PLCE1: variants seen among roughly 807,000 people sequenced by gnomAD.
PLCE1 encodes phospholipase C epsilon 1, also known as 1-phosphatidylinositol 4,5-bisphosphate phosphodiesterase epsilon-1.
PLCE1 carries 119 observed loss-of-function variants against 242.8 expected under a neutral mutation model. That is an observed-to-expected ratio of 0.49 (90% CI 0.42 to 0.57). The LOEUF is 0.57. Ranked by LOEUF, PLCE1 falls within the 20% of genes least tolerant of loss-of-function variation. The pLI is 0.00. For missense variants in PLCE1, 2,441 were observed against 2,788.8 expected, an observed-to-expected ratio of 0.88 and a Z score of 2.81; for synonymous variants, 945 against 1,017.4, an observed-to-expected ratio of 0.93 and a Z score of 1.35.
At chr10:94,312,607 C>T (rs1355774374) in intron 27 of PLCE1, among the ~76,000 whole-genome samples, 2 of 152,202 alleles carry the variant, frequency 1.3e-5, no homozygotes, top group Non-Finnish European at 2.9e-5. Context: ...TCCTCTGGAA[C>T]TTAAAATGCT....
intron 8 of PLCE1, among the ~76,000 whole-genome samples, chr10:94,249,507 C>T (rs141690299): frequency 2.2e-3 from 332 of 151,906 alleles, no homozygotes; most frequent in African/African-American, 7.7e-3. Flanking sequence ...CTTCTGTTAA[C>T]AGCTCTATAA....
At chr10:94,292,718 G>A (rs1026021266) in intron 22 of PLCE1, among the ~76,000 whole-genome samples, 2 of 152,132 alleles carry the variant, frequency 1.3e-5, no homozygotes, top group Non-Finnish European at 1.5e-5. Flanking sequence ...TCTGAAATAC[G>A]ACCTCCTGAA....
At chr10:94,230,685 A>G (rs928713081) in intron 5 of PLCE1, among the ~76,000 whole-genome samples, 6 of 152,142 alleles carry the variant, frequency 3.9e-5, no homozygotes, top group African/African-American at 1.2e-4. Context: ...ATCATAGCTC[A>G]CTGTAACCTC....
At chr10:94,227,522 T>G in intron 5 of PLCE1, 71 bp downstream of exon 5, 1 of 1,401,030 alleles carries the variant, frequency 7.1e-7, no homozygotes, top group Non-Finnish European at 1.0e-6. Context: ...CTGAATTAAT[T>G]GTCCAGGGAC....
chr10:94,136,973 A>G (rs1236716154), intron 3 of PLCE1, among the ~76,000 whole-genome samples: 1 of 152,166 alleles, frequency 6.6e-6, no homozygotes, highest in African/African-American at 2.4e-5. Context: ...CGGGCAGATC[A>G]TGAGGTCAGG....
intron 5 of PLCE1, 56 bp downstream of exon 5, chr10:94,227,507 T>A (rs1288114035): frequency 9.4e-6 from 14 of 1,490,024 alleles, no homozygotes; most frequent in Non-Finnish European, 1.2e-5. Flanking sequence ...ATCACCTGAA[T>A]GGCACTGAAT....
intron 9 of PLCE1, 140 bp downstream of exon 9, chr10:94,252,638 T>TA: frequency 1.4e-6 from 1 of 731,094 alleles, no homozygotes; most frequent in African/African-American, 1.7e-5. Context: ...GCTTACCACA[T>TA]ACCTCCATGG....
chr10:94,146,297 G>A (rs1000418306), intron 3 of PLCE1, among the ~76,000 whole-genome samples: 7 of 152,066 alleles, frequency 4.6e-5, no homozygotes, highest in Non-Finnish European at 8.8e-5. Flanking sequence ...TACAGTAAAA[G>A]GACTAGTCTT....
intron 2 of PLCE1, among the ~76,000 whole-genome samples, chr10:94,033,130 A>G (rs2061594614): frequency 1.3e-5 from 2 of 152,010 alleles, no homozygotes; most frequent in African/African-American, 4.8e-5. Flanking sequence ...GCCATCTTAC[A>G]TAAGGGACTT....
chr10:94,186,047 A>G (rs750201973), intron 4 of PLCE1, among the ~76,000 whole-genome samples: 29 of 152,228 alleles, frequency 1.9e-4, no homozygotes, highest in Non-Finnish European at 3.7e-4. Flanking sequence ...AACAGGCGGA[A>G]TTCTTTCTCC....
chr10:94,043,795 G>C (rs1021666319), intron 2 of PLCE1, among the ~76,000 whole-genome samples: 1 of 152,214 alleles, frequency 6.6e-6, no homozygotes, highest in Non-Finnish European at 1.5e-5. Flanking sequence ...AATATGGGCA[G>C]TGTAATGATG....
intron 3 of PLCE1, among the ~76,000 whole-genome samples, chr10:94,145,423 A>ATGACTATGAGTTGTAGCAG (rs2047083711): frequency 6.6e-6 from 1 of 152,186 alleles, no homozygotes; most frequent in Admixed American, 6.5e-5. Context: ...ATACTCACTG[A>ATGACTATGAGTTGTAGCAG]TGACTATGAG....
chr10:94,036,433 A>AT (rs568847720), intron 2 of PLCE1, among the ~76,000 whole-genome samples: 8 of 151,502 alleles, frequency 5.3e-5, no homozygotes, highest in Admixed American at 2.0e-4. Flanking sequence ...CACATTAAAC[A>AT]TTTTTTTTTC....
chr10:94,139,267 G>GAGCGAGACTCCATCTCA (rs1244840337), intron 3 of PLCE1: 2 of 152,636 alleles, frequency 1.3e-5, no homozygotes, highest in African/African-American at 4.8e-5. Context: ...CTGGGTGACA[G>GAGCGAGACTCCATCTCA]AGCGAGACTC....
At chr10:94,163,077 T>C (rs1234545433) in intron 3 of PLCE1, among the ~76,000 whole-genome samples, 1 of 152,200 alleles carries the variant, frequency 6.6e-6, no homozygotes, top group Non-Finnish European at 1.5e-5. Context: ...TACTTCCAAC[T>C]ATGTGGTCAA....
At chr10:94,138,105 T>C in intron 3 of PLCE1, 2 of 361,320 alleles carry the variant, frequency 5.5e-6, no homozygotes, top group Non-Finnish European at 1.1e-5. Flanking sequence ...TCTGTGAAAC[T>C]TAATGAGTGG....
At chr10:94,043,584 AT>A (rs2061816039) in intron 2 of PLCE1, among the ~76,000 whole-genome samples, 1 of 152,244 alleles carries the variant, frequency 6.6e-6, no homozygotes, top group Admixed American at 6.5e-5. Flanking sequence ...CCATAGCTTC[AT>A]TTTTTCCAGA....
chr10:94,234,141 T>G lies in PLCE1; in HGVS notation c.2043T>G (p.His681Gln). 1 of 1,614,022 alleles carries G rather than the reference T, an allele frequency of 6.2e-7. No homozygotes were observed. The highest frequency in any genetic ancestry group is 1.1e-5 in the South Asian group (1 of 91,080). The change falls in exon 6 of 33, where the codon CAT (histidine) becomes CAG (glutamine). Residue 681 changes from histidine to glutamine, a missense_variant. His to Gln is a conservative substitution (Grantham distance 24). Around this residue, in one of 5 missense-constraint regions of PLCE1, gnomAD observed 733 missense variants for 754.2 expected, o/e 0.97. Coordinates refer to ENST00000371380, the MANE Select transcript of PLCE1 (RefSeq NM_016341.4). ...MRSLKDAMAQ[H>Q]ESSCEYRKVV... ...GCCTGAAGGATGCTATGGCCCAGCA[T>G]GAGTCCTCTTGTGAGTACAGAAAGG...
chr10:94,285,889 A>G (rs1589477436), intron 22 of PLCE1, among the ~76,000 whole-genome samples: 1 of 152,202 alleles, frequency 6.6e-6, no homozygotes, highest in Admixed American at 6.5e-5. Context: ...TTCCAAAAAC[A>G]GTGTCCTTTT....
Sources: allele counts gnomAD v4.1 joint callset (sites outside exome capture counted in the v4.1 genomes callset), GRCh38; gene constraint gnomAD v4.1.1; regional missense constraint gnomAD v4.1.1; transcripts MANE v1.5; gene names NCBI Gene and HGNC (gene_info 2026-07-23, HGNC 2026-07-21).